FBXW10B: variants seen among roughly 807,000 people sequenced by gnomAD.
The protein encoded by FBXW10B is F-box and WD repeat domain containing 10B.
At chr17:15,593,961 T>C in the FBXW10B span, among the ~76,000 whole-genome samples, 2 of 152,120 alleles carry the variant, frequency 1.3e-5, no homozygotes, top group Admixed American at 1.3e-4. Flanking sequence ...AAGTAAACCG[T>C]GAGCTTCTCT....
the FBXW10B span, chr17:15,615,782 C>T: frequency 8.7e-6 from 14 of 1,613,752 alleles, no homozygotes; most frequent in Non-Finnish European, 2.5e-6. Context: ...AGGGGAAAAA[C>T]ACACATCTGT....
At chr17:15,590,261 C>G in the FBXW10B span, among the ~76,000 whole-genome samples, 1 of 151,730 alleles carries the variant, frequency 6.6e-6, no homozygotes, top group Non-Finnish European at 1.5e-5. Context: ...GGTGAGGGCT[C>G]AATTTGGGAT....
the FBXW10B span, among the ~76,000 whole-genome samples, chr17:15,578,219 C>T: frequency 6.6e-6 from 1 of 151,540 alleles, no homozygotes; most frequent in African/African-American, 2.4e-5. Flanking sequence ...GTTTGGCCTG[C>T]TGTGCCAGGC....
chr17:15,594,258 G>T, the FBXW10B span, among the ~76,000 whole-genome samples: 18 of 152,010 alleles, frequency 1.2e-4, no homozygotes, highest in Non-Finnish European at 2.1e-4. Context: ...AGATCATGAG[G>T]TCAGGAGATT....
chr17:15,609,746 T>C, the FBXW10B span, among the ~76,000 whole-genome samples: 2 of 152,000 alleles, frequency 1.3e-5, no homozygotes, highest in Non-Finnish European at 2.9e-5. Flanking sequence ...CACCTCCGCT[T>C]TTCCCAGGAG....
the FBXW10B span, among the ~76,000 whole-genome samples, chr17:15,599,493 A>C: frequency 3.7e-5 from 5 of 135,030 alleles, no homozygotes; most frequent in African/African-American, 1.4e-4. Flanking sequence ...ACTAACATGT[A>C]CAAAATGCTT....
chr17:15,569,576 C>T, the FBXW10B span, among the ~76,000 whole-genome samples: 32 of 149,342 alleles, frequency 2.1e-4, no homozygotes, highest in South Asian at 6.4e-3. Context: ...CCTCCCACCT[C>T]AGCCTCCCAA....
At chr17:15,566,632 C>A in the FBXW10B span, among the ~76,000 whole-genome samples, 1 of 151,922 alleles carries the variant, frequency 6.6e-6, no homozygotes, top group Non-Finnish European at 1.5e-5. Flanking sequence ...ATGTTCTCTG[C>A]TCACTGCAAG....
chr17:15,612,440 G>C, the FBXW10B span, among the ~76,000 whole-genome samples: 1 of 152,050 alleles, frequency 6.6e-6, no homozygotes, highest in Non-Finnish European at 1.5e-5. Context: ...CGTGAACCCG[G>C]GAGGCGGAGC....
chr17:15,609,324 T>C, the FBXW10B span, among the ~76,000 whole-genome samples: 1 of 145,548 alleles, frequency 6.9e-6, no homozygotes, highest in African/African-American at 2.5e-5. Context: ...TCTTAATCTT[T>C]AACCATGTAG....
At chr17:15,598,390 T>A in the FBXW10B span, 23 of 626,036 alleles carry the variant, frequency 3.7e-5, no homozygotes, top group Non-Finnish European at 4.1e-5. Context: ...GAAGGAAGGA[T>A]GGGTGGGTGG....
At chr17:15,565,564 G>A in the FBXW10B span, 1 of 1,613,732 alleles carries the variant, frequency 6.2e-7, no homozygotes, top group Non-Finnish European at 8.5e-7. Context: ...AAGTTCAGGG[G>A]CCGCTGTTTT....
the FBXW10B span, among the ~76,000 whole-genome samples, chr17:15,600,012 C>G: frequency 6.6e-6 from 1 of 151,484 alleles, no homozygotes; most frequent in Non-Finnish European, 1.5e-5. Context: ...GTCAGGAGAT[C>G]GAGACCATCC....
At chr17:15,619,470 G>C in the FBXW10B span, 1 of 1,613,764 alleles carries the variant, frequency 6.2e-7, no homozygotes, top group Non-Finnish European at 8.5e-7. Flanking sequence ...TTCTCACAAC[G>C]AAAATAGGGG....
At chr17:15,596,663 C>T in the FBXW10B span, 1 of 1,613,336 alleles carries the variant, frequency 6.2e-7, no homozygotes, top group African/African-American at 1.3e-5. Flanking sequence ...ACATCCCATA[C>T]TGAAAAGGAG....
At chr17:15,594,993 C>T in the FBXW10B span, 3 of 1,513,008 alleles carry the variant, frequency 2.0e-6, no homozygotes, top group Non-Finnish European at 2.7e-6. Context: ...CCCAACCAAT[C>T]TGTGACTGCC....
At chr17:15,618,453 T>C in the FBXW10B span, among the ~76,000 whole-genome samples, 1 of 151,732 alleles carries the variant, frequency 6.6e-6, no homozygotes, top group African/African-American at 2.4e-5. Flanking sequence ...GCTGGAGAAC[T>C]ACCACCCTAG....
At chr17:15,578,255 T>TA in the FBXW10B span, among the ~76,000 whole-genome samples, 5 of 150,730 alleles carry the variant, frequency 3.3e-5, no homozygotes, top group Non-Finnish European at 5.9e-5. Context: ...TCTGCATTTG[T>TA]AAACATGGTC....
chr17:15,592,304 T>G, the FBXW10B span, among the ~76,000 whole-genome samples: 17 of 150,620 alleles, frequency 1.1e-4, no homozygotes, highest in Non-Finnish European at 1.8e-4. Context: ...AGTTTTTTTT[T>G]TTTTTTTTTT....
Sources: allele counts gnomAD v4.1 joint callset (sites outside exome capture counted in the v4.1 genomes callset), GRCh38; gene constraint gnomAD v4.1.1; transcripts MANE v1.5; gene names NCBI Gene and HGNC (gene_info 2026-07-23, HGNC 2026-07-21).